Variants in MEF2B observed in about 807,000 individuals in gnomAD.
MEF2B encodes the protein myocyte enhancer factor 2B.
In MEF2B, 15 loss-of-function variants were observed where a neutral mutation model predicts 32.2. That is an observed-to-expected ratio of 0.47 (90% CI 0.31 to 0.72). MEF2B has a LOEUF of 0.72. Among genes scored for constraint, MEF2B ranks in the 30% least tolerant of loss-of-function variants. MEF2B has a pLI of 0.05. For synonymous variants in MEF2B, 205 were observed against 225.6 expected, an observed-to-expected ratio of 0.91 and a Z score of 0.82; for missense variants, 441 against 511.5, an observed-to-expected ratio of 0.86 and a Z score of 1.33.
At chr19:19,151,923 G>A (rs983331596) in intron 1 of MEF2B, among the ~76,000 whole-genome samples, 1 of 150,518 alleles carries the variant, frequency 6.6e-6, no homozygotes, top group Non-Finnish European at 1.5e-5. Context: ...AGGAGTTCGA[G>A]ACCAGCCTGG....
intron 2 of MEF2B, among the ~76,000 whole-genome samples, chr19:19,149,798 G>A (rs2060057443): frequency 6.6e-6 from 1 of 152,016 alleles, no homozygotes; most frequent in Non-Finnish European, 1.5e-5. Flanking sequence ...AAAATGAGCA[G>A]GCCAGGTGCG....
rs1259799041 is a variant in MEF2B at position 19,145,689 on chromosome 19, G to A, written c.*108C>T. On this transcript the variant is annotated 3_prime_UTR_variant, in exon 9 of 9. Coordinates refer to ENST00000424583, the MANE Select transcript of MEF2B (RefSeq NM_001145785.2). This position sits in a 1 kb window ranked among gnomAD's most constrained non-coding sequence, Gnocchi z 4.6. Reference sequence around the variant, plus strand: ...ACCTCCAAGCCCCCACCGCGGAGGGGGGCGTCACTGTTGGGTCTTCTCTGA... The same window carrying A: ...ACCTCCAAGCCCCCACCGCGGAGGGAGGCGTCACTGTTGGGTCTTCTCTGA... 9.0e-6 allele frequency: 14 copies of A among 1,550,798 alleles called. No homozygotes were observed. Among genetic ancestry groups the A allele is most frequent in the Non-Finnish European group, 1.2e-5 (14 of 1,147,160 alleles).
intron 1 of MEF2B, among the ~76,000 whole-genome samples, chr19:19,160,372 T>C (rs933344854): frequency 1.5e-4 from 23 of 152,118 alleles, no homozygotes; most frequent in African/African-American, 5.5e-4. Context: ...CAAGACCACC[T>C]TGAAATACTG....
Position 19,145,967 on chromosome 19 carries a change from T to C in MEF2B, c.937A>G (p.Thr313Ala), listed in dbSNP as rs2060021707. The change falls in exon 9 of 9, where the codon ACC becomes GCC. Residue 313 changes from threonine (T) to alanine (A), a missense_variant. Physicochemically the swap from Thr to Ala is moderately conservative, Grantham distance 58. Transcript: ENST00000424583. The surrounding 1 kb of genome is among the most constrained non-coding windows in gnomAD (Gnocchi z 4.6). ...TCAGACTTGATGCTGACTGGGGGGG[T>C]CGGCGGGGAGGCGCCGCGGGTTGGG... ...GPPTRGASPPTPPVSIKSERL... is the reference protein window; with the variant it reads ...GPPTRGASPPAPPVSIKSERL... 1 of 1,417,130 alleles carries C rather than the reference T, an allele frequency of 7.1e-7. No individual in the cohort carries two copies. The highest frequency in any genetic ancestry group is 9.2e-7 in the Non-Finnish European group (1 of 1,087,696). The allele number at this position is 1,417,130 out of a possible 1,614,324, so 87.8% of individuals were successfully genotyped here. A position where few individuals can be genotyped will look rare whatever the true frequency, so the allele number is the denominator to read the frequency against.
intron 1 of MEF2B, among the ~76,000 whole-genome samples, chr19:19,164,783 CA>C (rs1432351284): frequency 2.6e-5 from 4 of 152,200 alleles, no homozygotes; most frequent in Non-Finnish European, 5.9e-5. Flanking sequence ...ACAGACCCCG[CA>C]GTCTGAATTT....
At chr19:19,147,622 C>A in intron 4 of MEF2B, 76 bp downstream of exon 4, 1 of 1,570,360 alleles carries the variant, frequency 6.4e-7, no homozygotes, top group South Asian at 1.2e-5. Context: ...AAGCCCCTCT[C>A]TCAGTACCAG....
At chr19:19,170,121 T>A (rs574172970) in intron 1 of MEF2B, 84 bp downstream of exon 1, 1 of 397,850 alleles carries the variant, frequency 2.5e-6, no homozygotes, top group African/African-American at 2.1e-5. Context: ...CGCCCAGCAG[T>A]ACACCCGGAC....
intron 1 of MEF2B, among the ~76,000 whole-genome samples, chr19:19,161,284 G>A (rs1306316482): frequency 2.0e-5 from 3 of 152,158 alleles, no homozygotes; most frequent in South Asian, 2.1e-4. Flanking sequence ...GACAGGGGCG[G>A]ATGGGGTTGG....
At chr19:19,168,740 TA>T (rs2060229680) in intron 1 of MEF2B, among the ~76,000 whole-genome samples, 1 of 151,108 alleles carries the variant, frequency 6.6e-6, no homozygotes, top group Non-Finnish European at 1.5e-5. Flanking sequence ...ACTATACACA[TA>T]AGCCACCACA....
Position 19,146,007 on chromosome 19 carries a change from C to T in MEF2B, c.897G>A (p.Leu299=). 1.4e-6 allele frequency: 2 copies of T among 1,433,024 alleles called. No homozygotes were observed. The highest frequency in any genetic ancestry group is 1.8e-6 in the Non-Finnish European group (2 of 1,094,360). The allele number at this position is 1,433,024 out of a possible 1,614,324, so 88.8% of individuals were successfully genotyped here. A position where few individuals can be genotyped will look rare whatever the true frequency, so the allele number is the denominator to read the frequency against. The part of the protein sequence containing the change: ...VSSQPSGGRS[L]GEEGPPTRGA... ...CGCGGGTTGGGGGACCCTCCTCGCC[C>T]AGGCTTCGGCCCCCACTGCAGGGGG... Residue 299 remains leucine (L), a synonymous_variant, in exon 9 of 9, where the codon CTG becomes CTA. Transcript: ENST00000424583.
chr19:19,166,215 C>A (rs1187995826), intron 1 of MEF2B, among the ~76,000 whole-genome samples: 2 of 152,142 alleles, frequency 1.3e-5, no homozygotes. Context: ...TCACCACCCC[C>A]ACCCAGGCTG....
chr19:19,146,386 T>A lies in MEF2B; in HGVS notation c.770-2A>T, dbSNP rs1279020464. On this transcript the variant is annotated splice_acceptor_variant, in intron 7 of 8. Coordinates refer to ENST00000424583, the MANE Select transcript of MEF2B (RefSeq NM_001145785.2). LOFTEE classifies it high-confidence loss of function. The stretch of plus-strand genomic sequence containing the variant: ...GTGGAGGGTCTCCCAGGCCATATTC[T>A]GGTGGGCAGGAATTGGGGGCTGAGG... 1 of 1,107,358 alleles carries A rather than the reference T, an allele frequency of 9.0e-7. No individual in the cohort carries two copies. The highest frequency in any genetic ancestry group is 1.2e-6 in the Non-Finnish European group (1 of 816,848). The allele number at this position is 1,107,358 out of a possible 1,614,324, so 68.6% of individuals were successfully genotyped here. A position where few individuals can be genotyped will look rare whatever the true frequency, so the allele number is the denominator to read the frequency against.
At chr19:19,149,946 G>T (rs563582664) in intron 2 of MEF2B, among the ~76,000 whole-genome samples, 9 of 151,768 alleles carry the variant, frequency 5.9e-5, no homozygotes, top group African/African-American at 2.2e-4. Context: ...CTAGCCAGGC[G>T]TGGTGGTGGG....
At chr19:19,153,663 G>A (rs1476455964) in intron 1 of MEF2B, among the ~76,000 whole-genome samples, 1 of 152,046 alleles carries the variant, frequency 6.6e-6, no homozygotes, top group East Asian at 1.9e-4. Context: ...CACCATGTTG[G>A]CCAGGCTGGT....
At chr19:19,166,572 A>G (rs1442930982) in intron 1 of MEF2B, among the ~76,000 whole-genome samples, 1 of 132,650 alleles carries the variant, frequency 7.5e-6, no homozygotes, top group East Asian at 2.3e-4. Flanking sequence ...CCTGAGCAAC[A>G]TAGGGAGACC....
intron 2 of MEF2B, 21 bp from the exon 3 acceptor site, chr19:19,149,450 G>A (rs1034174049): frequency 1.2e-6 from 2 of 1,613,774 alleles, no homozygotes; most frequent in Non-Finnish European, 1.7e-6. Context: ...GACCCACAGG[G>A]GCAGGGGAGA....
intron 8 of MEF2B, 77 bp downstream of exon 8, chr19:19,146,196 C>T (rs1376232949): frequency 5.9e-6 from 5 of 843,398 alleles, no homozygotes; most frequent in East Asian, 6.2e-5. Context: ...GTGCGCAGTA[C>T]CAGGGATGGC....
rs369282123 is a variant in MEF2B, at chr19:19,149,592, G to C, written c.55-163C>G. Among the ~76,000 whole-genome samples, 349 of 152,208 alleles carry C rather than the reference G, an allele frequency of 2.3e-3. 4 individuals are homozygous for C. The South Asian group carries it at 0.031, about 14-fold the overall frequency. ...CACAACCTGGCAAACTCCTACTGGA[G>C]CTTCAAAACCCAGCCCAAATGTCTG... On this transcript the variant is annotated intron_variant, in intron 2 of 8. Coordinates refer to ENST00000424583, the MANE Select transcript of MEF2B (RefSeq NM_001145785.2).
chr19:19,160,952 G>A (rs2060157036), intron 1 of MEF2B, among the ~76,000 whole-genome samples: 3 of 152,120 alleles, frequency 2.0e-5, no homozygotes, highest in East Asian at 1.9e-4. Flanking sequence ...GTGACCTGGC[G>A]GCCTGGCTCA....
Sources: allele counts gnomAD v4.1 joint callset (sites outside exome capture counted in the v4.1 genomes callset), GRCh38; gene constraint gnomAD v4.1.1; non-coding constraint Gnocchi (gnomAD v3.1); transcripts MANE v1.5; gene names NCBI Gene and HGNC (gene_info 2026-07-23, HGNC 2026-07-21).